Variants in INTS3 observed in about 807,000 individuals in gnomAD.
INTS3 encodes the protein integrator complex subunit 3.
In INTS3, 34 loss-of-function variants were observed where a neutral mutation model predicts 146.3. That is an observed-to-expected ratio of 0.23 (90% confidence interval 0.18 to 0.31). INTS3 has a LOEUF of 0.31. INTS3 is among the 10% of genes least tolerant of loss of function. INTS3 has a pLI of 1.00. For missense variants in INTS3, 757 were observed against 1,304.2 expected (o/e 0.58, Z 6.46); for synonymous variants, 475 against 494.9 (o/e 0.96, Z 0.53).
intron 9 of INTS3, among the ~76,000 whole-genome samples, chr1:153,756,794 C>A (rs1334420515): frequency 1.3e-5 from 2 of 152,054 alleles, no homozygotes; most frequent in African/African-American, 4.8e-5. Context: ...CCAGCCTGGG[C>A]AACAAGAGTG....
rs71707457 is a variant in INTS3, at chr1:153,773,986, GTTTT to G, written c.*724_*727del. 2.7e-5 allele frequency: 4 copies of G among 147,224 alleles called. No individual in the cohort carries two copies. Among genetic ancestry groups the G allele is most frequent in the African/African-American group, 1.1e-4 (4 of 37,928 alleles). The allele number at this position is 147,224 out of a possible 1,614,324, so 9.1% of individuals were successfully genotyped here. A position where few individuals can be genotyped will look rare whatever the true frequency, so the allele number is the denominator to read the frequency against. On this transcript the variant is annotated 3_prime_UTR_variant, in exon 30 of 30. Transcript: ENST00000318967. Reference sequence around the variant, plus strand: ...CAAATGATCCCATTTCCTTGAGTCTGTTTTTTTTTTTGTTTTTTTTTGTTTTTTT... The same window carrying G: ...CAAATGATCCCATTTCCTTGAGTCTGTTTTTTTGTTTTTTTTTGTTTTTTT...
At chr1:153,739,885 C>G (rs1242699211) in intron 1 of INTS3, among the ~76,000 whole-genome samples, 1 of 151,520 alleles carries the variant, frequency 6.6e-6, no homozygotes, top group Non-Finnish European at 1.5e-5. Context: ...ACCTCTGCCT[C>G]CCGGGTTCAA....
At chr1:153,763,453 A>G in intron 16 of INTS3, 91 bp downstream of exon 16, 1 of 1,390,272 alleles carries the variant, frequency 7.2e-7, no homozygotes, top group East Asian at 2.3e-5. Context: ...TGGGGGTTGG[A>G]GGCAAACATG....
At chr1:153,736,711 G>T (rs1240059642) in intron 1 of INTS3, among the ~76,000 whole-genome samples, 1 of 149,530 alleles carries the variant, frequency 6.7e-6, no homozygotes, top group Non-Finnish European at 1.5e-5. Context: ...CTCCCAAAGT[G>T]CTGAGATTAC....
rs549650490 is a variant in INTS3, at chr1:153,767,005, C to T, written c.2091-669C>T. ...GATTACAGGCATGAGCCACCATACC[C>T]GGCCAACTTTCAAGAATGTTTTTAA... On this transcript the variant is annotated intron_variant, in intron 20 of 29. Transcript: ENST00000318967. 3.3e-5 allele frequency: 5 copies of T among 152,220 alleles called. No individual in the cohort carries two copies. In the South Asian group the frequency reaches 8.3e-4, roughly 25 times the overall value. The allele number at this position is 152,220 out of a possible 1,614,324, so 9.4% of individuals were successfully genotyped here. A position where few individuals can be genotyped will look rare whatever the true frequency, so the allele number is the denominator to read the frequency against.
intron 1 of INTS3, among the ~76,000 whole-genome samples, chr1:153,735,940 C>T (rs1471847680): frequency 1.3e-5 from 2 of 152,138 alleles, no homozygotes; most frequent in Non-Finnish European, 2.9e-5. Flanking sequence ...TTCTGTTCCC[C>T]AGGCTAGTCT....
chr1:153,741,761 A>C (rs1305986643), intron 3 of INTS3, among the ~76,000 whole-genome samples: 2 of 152,236 alleles, frequency 1.3e-5, no homozygotes, highest in Admixed American at 1.3e-4. Context: ...AATAGAAAGC[A>C]GGCTTAAAAT....
intron 14 of INTS3, 53 bp downstream of exon 14, chr1:153,761,729 A>C (rs2101818228): frequency 1.6e-6 from 2 of 1,213,558 alleles, no homozygotes; most frequent in East Asian, 4.7e-5. Flanking sequence ...CAAGACAACC[A>C]GGCCTTCAGG....
chr1:153,729,886 T>C (rs979134672), intron 1 of INTS3, among the ~76,000 whole-genome samples: 2 of 132,004 alleles, frequency 1.5e-5, no homozygotes, highest in Non-Finnish European at 3.3e-5. Context: ...AAAAAAAGAA[T>C]ATGAGATCCA....
At chr1:153,736,984 G>C (rs1671318457) in intron 1 of INTS3, among the ~76,000 whole-genome samples, 3 of 150,518 alleles carry the variant, frequency 2.0e-5, no homozygotes, top group African/African-American at 7.4e-5. Context: ...AGCCAGGATG[G>C]TCTCTATCTC....
At chr1:153,743,192 A>T (rs1671603546) in intron 3 of INTS3, among the ~76,000 whole-genome samples, 1 of 152,224 alleles carries the variant, frequency 6.6e-6, no homozygotes, top group South Asian at 2.1e-4. Context: ...GGTGGGAGTT[A>T]CTGATGAGGA....
At chr1:153,762,393 G>A (rs1010035655) in intron 14 of INTS3, among the ~76,000 whole-genome samples, 2 of 152,218 alleles carry the variant, frequency 1.3e-5, no homozygotes, top group Non-Finnish European at 2.9e-5. Flanking sequence ...GCAGTGAGCC[G>A]AGATGGCGCC....
intron 25 of INTS3, among the ~76,000 whole-genome samples, chr1:153,771,554 T>G (rs947437491): frequency 6.6e-6 from 1 of 152,134 alleles, no homozygotes; most frequent in Admixed American, 6.5e-5. Flanking sequence ...CTGAGGGTCC[T>G]CCTTCCCAAC....
intron 22 of INTS3, 37 bp from the exon 23 acceptor site, chr1:153,769,732 A>G (rs745305632): frequency 1.4e-6 from 2 of 1,443,454 alleles, no homozygotes; most frequent in Non-Finnish European, 2.0e-6. Context: ...CCCCTTTCAG[A>G]GCTGATGGGT....
chr1:153,741,655 C>T (rs1416532295), intron 3 of INTS3, among the ~76,000 whole-genome samples: 1 of 152,124 alleles, frequency 6.6e-6, no homozygotes, highest in East Asian at 1.9e-4. Context: ...GGGATTAAAT[C>T]CAGGGAATAG....
intron 1 of INTS3, among the ~76,000 whole-genome samples, chr1:153,734,493 ACT>A (rs1229771214): frequency 2.0e-5 from 3 of 151,974 alleles, no homozygotes; most frequent in Non-Finnish European, 4.4e-5. Context: ...CAAATTCTGG[ACT>A]CTCACTTTCT....
chr1:153,773,124 TGCAGGTGGAGTCGGCGCCA>T lies in INTS3; in HGVS notation c.3051+48_3052-46del, dbSNP rs1672977776. The T allele has an allele frequency of 7.4e-6, 12 of 1,613,726 alleles. No homozygotes were observed. The East Asian group carries it at 2.5e-4, about 33-fold the overall frequency. On this transcript the variant is annotated intron_variant, in intron 29 of 29. Transcript: ENST00000318967. ...GCACAGGGGGAAAAGGAGCACTGGG[TGCAGGTGGAGTCGGCGCCA>T]GCAGCTGCCCAGGCTGTTAACTTCC...
At position 153,774,779 on chromosome 1, in the gene INTS3, C is replaced by T. The variant is rs1458180199; in HGVS notation, c.*1509C>T. 3.4e-6 allele frequency: 1 copy of T among 292,768 alleles called. No homozygotes were observed. Among genetic ancestry groups the T allele is most frequent in the Non-Finnish European group, 6.4e-6 (1 of 157,086 alleles). The allele number at this position is 292,768 out of a possible 1,614,324, so 18.1% of individuals were successfully genotyped here. A position where few individuals can be genotyped will look rare whatever the true frequency, so the allele number is the denominator to read the frequency against. Reference sequence around the variant, plus strand: ...TTCCTCTCTCCTTCCCCAGTTTCCTCTGTCCCAATTAAAACCAGGATGGAG... The same window carrying T: ...TTCCTCTCTCCTTCCCCAGTTTCCTTTGTCCCAATTAAAACCAGGATGGAG... On this transcript the variant is annotated 3_prime_UTR_variant, in exon 30 of 30. Coordinates refer to ENST00000318967, the MANE Select transcript of INTS3 (RefSeq NM_023015.5).
In INTS3 at chr1:153,740,701, G is replaced by C. The variant is rs763496727; in HGVS notation, c.201G>C (p.Ser67=). ...TGACATCGATGACTGCTGGTGTCTC[G>C]GAGAGAGAAGCCAATGATGCCCTCA... The part of the protein sequence containing the change: ...SIVTSMTAGV[S]EREANDALNA... Residue 67 remains serine (S), a synonymous_variant, in exon 2 of 30, where the codon TCG becomes TCC. Coordinates refer to ENST00000318967, the MANE Select transcript of INTS3 (RefSeq NM_023015.5). The C allele has an allele frequency of 6.2e-7, 1 of 1,613,954 alleles. No homozygotes were observed. Among genetic ancestry groups the C allele is most frequent in the Non-Finnish European group, 8.5e-7 (1 of 1,179,914 alleles).
Sources: gnomAD v4.1 joint callset for allele counts (sites outside exome capture counted in the v4.1 genomes callset) on GRCh38, gnomAD v4.1.1 for gene constraint, MANE v1.5 for transcripts, NCBI Gene and HGNC (gene_info 2026-07-23, HGNC 2026-07-21) for gene names.